Variants in YTHDC2 observed in about 807,000 individuals in gnomAD.
The protein encoded by YTHDC2 is 3'-5' RNA helicase YTHDC2.
A neutral mutation model predicts 174.9 loss-of-function variants in YTHDC2; 45 were observed. The observed-to-expected ratio is 0.26, with a 90% CI of 0.20 to 0.33. The LOEUF (loss-of-function observed/expected upper bound fraction) is 0.33, where lower values mean the gene tolerates loss of function less well. YTHDC2 is among the 10% of genes least tolerant of loss of function. The probability of loss-of-function intolerance (pLI) is 1.00; values close to 1 mark genes in which losing one functional copy is unlikely to be tolerated. For missense variants in YTHDC2, 1,650 were observed against 1,723.7 expected (o/e 0.96, Z 0.76); for synonymous variants, 657 against 574.5 (o/e 1.14, Z -2.05).
At chr5:113,569,458 A>T (rs1013020326) in intron 23 of YTHDC2, among the ~76,000 whole-genome samples, 1 of 151,996 alleles carries the variant, frequency 6.6e-6, no homozygotes, top group South Asian at 2.1e-4. Flanking sequence ...ATTTTCTTCG[A>T]GGGTTTTTAT....
intron 2 of YTHDC2, among the ~76,000 whole-genome samples, chr5:113,515,693 A>C (rs1020336793): frequency 1.3e-4 from 20 of 152,256 alleles, no homozygotes; most frequent in African/African-American, 4.6e-4. Flanking sequence ...TAAGACATGC[A>C]TCATGCATAC....
chr5:113,539,966 A>G (rs891278553), intron 8 of YTHDC2, among the ~76,000 whole-genome samples: 4 of 152,156 alleles, frequency 2.6e-5, no homozygotes, highest in South Asian at 2.1e-4. Flanking sequence ...CATTGGTGCA[A>G]TCATGGCTCA....
chr5:113,576,744 A>T (rs1009770746), intron 23 of YTHDC2, among the ~76,000 whole-genome samples: 144 of 152,006 alleles, frequency 9.5e-4, no homozygotes, highest in African/African-American at 3.4e-3. Flanking sequence ...CTGATATTTT[A>T]CTCAAAAATT....
intron 9 of YTHDC2, among the ~76,000 whole-genome samples, chr5:113,541,910 A>C (rs901836603): frequency 2.0e-5 from 3 of 152,078 alleles, no homozygotes; most frequent in African/African-American, 7.2e-5. Context: ...TGTGGTTCTT[A>C]AGACTGGCTG....
chr5:113,564,487 A>G (rs1250268453), intron 20 of YTHDC2, among the ~76,000 whole-genome samples: 2 of 152,206 alleles, frequency 1.3e-5, no homozygotes, highest in Non-Finnish European at 2.9e-5. Flanking sequence ...CATAGAATAA[A>G]GCTTATAAGA....
rs557214411 is a variant in YTHDC2, at chr5:113,594,482, T to G, written c.*1008T>G. The G allele has an allele frequency of 6.6e-6, 1 of 152,338 alleles. No homozygotes were observed. The highest frequency in any genetic ancestry group is 2.1e-4 in the South Asian group (1 of 4,830). The allele number at this position is 152,338 out of a possible 1,614,324, so 9.4% of individuals were successfully genotyped here. On this transcript the variant is annotated 3_prime_UTR_variant, in exon 30 of 30. Coordinates refer to ENST00000161863, the MANE Select transcript of YTHDC2 (RefSeq NM_022828.5). ...TCAGTATGTTTTCACTGGCTTATGT[T>G]TTCAGATATGATTTTCCTTTTTCGC...
chr5:113,541,015 A>G lies in YTHDC2; in HGVS notation c.1258A>G (p.Asn420Asp), dbSNP rs770770631. Residue 420 changes from asparagine (N) to aspartate (D), a missense_variant, in exon 9 of 30, where the codon AAT becomes GAT. This residue lies in a region of YTHDC2 where 411 missense variants were observed against 380.6 expected (regional missense o/e 1.08). Coordinates refer to ENST00000161863, the MANE Select transcript of YTHDC2 (RefSeq NM_022828.5). ...TACAGAATGGTACTCAGCTCAAGAA[A>G]ATAGTTTCAAGCCTGAATCTCAGAG... ...TLTEWYSAQE[N>D]SFKPESQRQR... 6.2e-7 allele frequency: 1 copy of G among 1,614,142 alleles called. No individual in the cohort carries two copies. The highest frequency in any genetic ancestry group is 1.1e-5 in the South Asian group (1 of 91,086).
At chr5:113,536,558 T>A (rs1443709685) in intron 7 of YTHDC2, among the ~76,000 whole-genome samples, 2 of 152,096 alleles carry the variant, frequency 1.3e-5, no homozygotes, top group African/African-American at 4.8e-5. Context: ...ACAAAAGTTC[T>A]GTTTACTTCA....
At chr5:113,561,010 A>G in intron 17 of YTHDC2, 70 bp from the exon 18 acceptor site, 1 of 1,275,318 alleles carries the variant, frequency 7.8e-7, no homozygotes. Flanking sequence ...TTCCTAAATC[A>G]CATTGCGTTT....
intron 6 of YTHDC2, among the ~76,000 whole-genome samples, chr5:113,534,701 G>A (rs1774934367): frequency 6.6e-6 from 1 of 151,982 alleles, no homozygotes; most frequent in South Asian, 2.1e-4. Flanking sequence ...TGAAAATGAT[G>A]CATGCACTTA....
chr5:113,556,751 CA>C (rs1776637372), intron 17 of YTHDC2, among the ~76,000 whole-genome samples: 1 of 152,056 alleles, frequency 6.6e-6, no homozygotes, highest in Non-Finnish European at 1.5e-5. Flanking sequence ...ACTATTTATC[CA>C]AATCTACTCT....
rs564959296 is a variant in YTHDC2, at chr5:113,592,202, T to A, written c.4212+24T>A. 1.3e-4 allele frequency: 192 copies of A among 1,530,148 alleles called. 1 individual carries two copies. The highest frequency in any genetic ancestry group is 3.5e-4 in the Middle Eastern group (2 of 5,722). 94.8% of individuals were successfully genotyped at this position (1,530,148 alleles called of 1,614,324 possible). A position where few individuals can be genotyped will look rare whatever the true frequency, so the allele number is the denominator to read the frequency against. ...AGGTATACAATGGCATTTTTTTTTT[T>A]ATTTACTTTTGTTTCTGTTTGTTTT... On this transcript the variant is annotated intron_variant, in intron 28 of 29. Coordinates refer to ENST00000161863, the MANE Select transcript of YTHDC2 (RefSeq NM_022828.5).
chr5:113,523,279 C>G (rs982362967), intron 2 of YTHDC2, among the ~76,000 whole-genome samples: 3 of 152,040 alleles, frequency 2.0e-5, no homozygotes, highest in African/African-American at 7.2e-5. Context: ...AACAATTGTA[C>G]AGTGTCAGAG....
At position 113,553,803 on chromosome 5, in the gene YTHDC2, A is replaced by G. The variant is rs1000919921; in HGVS notation, c.2001A>G (p.Thr667=). ...QVFMLHSNMQ[T]SDQKKVLKNP... Reference sequence around the variant, plus strand: ...TTATGCTTCATTCAAATATGCAAACATCCGATCAAAAGAAAGTATTAAAAA... The same window carrying G: ...TTATGCTTCATTCAAATATGCAAACGTCCGATCAAAAGAAAGTATTAAAAA... The change falls in exon 15 of 30, where the codon ACA becomes ACG. Residue 667 remains threonine (T), a synonymous_variant. Transcript: ENST00000161863. 7 of 1,612,562 alleles carry G rather than the reference A, an allele frequency of 4.3e-6. No individual in the cohort carries two copies. The African/African-American group carries it at 5.3e-5, about 12-fold the overall frequency.
At chr5:113,526,281 T>C (rs1159195174) in intron 3 of YTHDC2, among the ~76,000 whole-genome samples, 36 of 152,108 alleles carry the variant, frequency 2.4e-4, no homozygotes, top group Admixed American at 2.4e-3. Context: ...TAATGGTTAT[T>C]GAATGATTTA....
rs1193312315 is a variant in YTHDC2, at chr5:113,577,818, C to A, written c.3245-1768C>A. Among the ~76,000 whole-genome samples, 3 of 151,748 alleles carry A rather than the reference C, an allele frequency of 2.0e-5. No individual in the cohort carries two copies. The East Asian group carries it at 5.8e-4, about 29-fold the overall frequency. The stretch of plus-strand genomic sequence containing the variant: ...ATTTCCTAAGGTGATTCTTAAGATT[C>A]TTTTGTTGCTGTTTTTAGTTGTCAT... On this transcript the variant is annotated intron_variant, in intron 23 of 29. Transcript: ENST00000161863.
intron 23 of YTHDC2, among the ~76,000 whole-genome samples, chr5:113,568,816 A>G (rs1297797354): frequency 6.6e-6 from 1 of 152,162 alleles, no homozygotes; most frequent in Non-Finnish European, 1.5e-5. Context: ...ACTATTGTGA[A>G]TAATGCTGCA....
chr5:113,568,420 A>T (rs1777496557), intron 23 of YTHDC2, among the ~76,000 whole-genome samples: 1 of 152,030 alleles, frequency 6.6e-6, no homozygotes, highest in Non-Finnish European at 1.5e-5. Flanking sequence ...GTTTTGTTGC[A>T]TAGGTAAAGG....
intron 23 of YTHDC2, among the ~76,000 whole-genome samples, chr5:113,577,384 GT>G (rs1778122263): frequency 6.6e-6 from 1 of 151,936 alleles, no homozygotes; most frequent in Admixed American, 6.6e-5. Context: ...TTGTTTGTTT[GT>G]TTGAGACAGA....
Sources: allele counts gnomAD v4.1 joint callset (sites outside exome capture counted in the v4.1 genomes callset), GRCh38; gene constraint gnomAD v4.1.1; regional missense constraint gnomAD v4.1.1; transcripts MANE v1.5; gene names NCBI Gene and HGNC (gene_info 2026-07-23, HGNC 2026-07-21).